MIAT: variants seen among roughly 807,000 people sequenced by gnomAD.
MIAT encodes myocardial infarction associated transcript.
At chr22:26,675,228 T>C in exon 5 of MIAT, 1 of 398,846 alleles carries the variant, frequency 2.5e-6, no homozygotes, top group Non-Finnish European at 4.4e-6. Context: ...GGGGATGAGT[T>C]CCGGGCAGCG....
intron 2 of MIAT, among the ~76,000 whole-genome samples, chr22:26,657,938 G>A (rs1304251636): frequency 6.6e-6 from 1 of 152,174 alleles, no homozygotes; most frequent in Non-Finnish European, 1.5e-5. Context: ...TTGCAATCAT[G>A]ATTATGAGGG....
At chr22:26,665,970 T>C (rs1439073240) in exon 4 of MIAT, 1 of 398,492 alleles carries the variant, frequency 2.5e-6, no homozygotes, top group Non-Finnish European at 4.4e-6. Context: ...CTCTTCTCAG[T>C]TTCAGCACTT....
intron 2 of MIAT, among the ~76,000 whole-genome samples, chr22:26,660,115 C>T (rs1477192476): frequency 1.3e-5 from 2 of 151,230 alleles, no homozygotes; most frequent in African/African-American, 2.4e-5. Context: ...GGATTACAGG[C>T]GTGAGCCCCC....
chr22:26,673,823 G>A (rs1418674495), downstream of MIAT: 3 of 398,534 alleles, frequency 7.5e-6, no homozygotes, highest in Non-Finnish European at 1.3e-5. Context: ...TGTGGACCAG[G>A]CCTGATGGAG....
chr22:26,672,786 G>T (rs920186229), downstream of MIAT: 3 of 398,600 alleles, frequency 7.5e-6, no homozygotes, highest in Admixed American at 8.8e-5. Context: ...TCAATGAAGC[G>T]GGTCTTTCCT....
At chr22:26,673,347 G>C (rs55901610), downstream of MIAT, 614 of 398,880 alleles carry the variant, frequency 1.5e-3, no homozygotes, top group Non-Finnish European at 2.4e-3. Flanking sequence ...GCTAATCTCT[G>C]GCTCCCTTGC....
At chr22:26,656,545 T>C (rs891577388) in intron 2 of MIAT, among the ~76,000 whole-genome samples, 1 of 152,006 alleles carries the variant, frequency 6.6e-6, no homozygotes, top group Admixed American at 6.6e-5. Flanking sequence ...CTTGAACTCT[T>C]GACCTCAGGT....
chr22:26,657,720 C>T, intron 2 of MIAT: 1 of 398,642 alleles, frequency 2.5e-6, no homozygotes. Context: ...CGGGGAACAG[C>T]CTAATTCCCC....
rs1218406252 is a variant in MIAT at position 26,676,116 on chromosome 22, T to C, written n.9784T>C. 7.5e-6 allele frequency: 3 copies of C among 398,374 alleles called. No homozygotes were observed. The East Asian group carries it at 1.1e-4, about 14-fold the overall frequency. The allele number at this position is 398,374 out of a possible 1,614,324, so 24.7% of individuals were successfully genotyped here. A position where few individuals can be genotyped will look rare whatever the true frequency, so the allele number is the denominator to read the frequency against. Reference sequence around the variant, plus strand: ...CCAATCCGAACAGGTGTTATAATCCTTTCTTAATAGGTTGTGCTGTGGACC... The same window carrying C: ...CCAATCCGAACAGGTGTTATAATCCCTTCTTAATAGGTTGTGCTGTGGACC... On this transcript the variant is annotated non_coding_transcript_exon_variant, in exon 5 of 5. Transcript: ENST00000613780.
chr22:26,652,143 A>G (rs1480832855), intron 2 of MIAT, among the ~76,000 whole-genome samples: 2 of 152,082 alleles, frequency 1.3e-5, no homozygotes, highest in African/African-American at 4.8e-5. Flanking sequence ...ACAGGCACAC[A>G]CTACCATGCC....
chr22:26,654,920 G>T (rs1930397617), intron 2 of MIAT, among the ~76,000 whole-genome samples: 1 of 152,114 alleles, frequency 6.6e-6, no homozygotes, highest in Non-Finnish European at 1.5e-5. Flanking sequence ...CACCGTATTA[G>T]CCAGGATGGT....
At chr22:26,665,077 TA>T (rs539316908) in intron 3 of MIAT, among the ~76,000 whole-genome samples, 17 of 147,830 alleles carry the variant, frequency 1.1e-4, no homozygotes, top group Non-Finnish European at 1.1e-4. Context: ...TCTCTACTAC[TA>T]AAAAAAAAAT....
At chr22:26,652,546 G>A (rs561080539) in intron 2 of MIAT, among the ~76,000 whole-genome samples, 2 of 152,076 alleles carry the variant, frequency 1.3e-5, no homozygotes, top group East Asian at 1.9e-4. Flanking sequence ...TAGTAGAGAC[G>A]GGGATTTCAC....
Position 26,674,903 on chromosome 22 carries a change from G to T in MIAT, n.8571G>T, listed in dbSNP as rs182406272. The T allele has an allele frequency of 7.3e-5, 29 of 398,740 alleles. No homozygotes were observed. In the Middle Eastern group the frequency reaches 1.9e-3, roughly 26 times the overall value. The allele number at this position is 398,740 out of a possible 1,614,324, so 24.7% of individuals were successfully genotyped here. On this transcript the variant is annotated non_coding_transcript_exon_variant, in exon 5 of 5. Coordinates refer to the MIAT transcript ENST00000613780. ...ACCTGCACCTGGGCTTTTTCGTCAT[G>T]GTGCTTTTATAGCCTAGTGGGAGAG...
rs1476325607 is a variant in MIAT, at chr22:26,661,939, TATATATATATATATATATATATAC to T, written n.647-1375_647-1352del. ...ATCCATATATATATATATATATATA[TATATATATATATATATATATATAC>T]ACACACACACATATACATGGATCTG... On this transcript the variant is annotated intron_variant and non_coding_transcript_variant, in intron 2 of 5. Transcript: ENST00000643270. 5.2e-3 allele frequency among the ~76,000 whole-genome samples: 188 copies of T among 36,162 alleles called. 6 individuals are homozygous for T. The highest frequency in any genetic ancestry group is 0.012 in the African/African-American group (127 of 10,390). The allele number at this position is 36,162 out of a possible 152,430, so 23.7% of individuals were successfully genotyped here.
At chr22:26,675,010 A>G (rs1931207010) in exon 5 of MIAT, 3 of 398,700 alleles carry the variant, frequency 7.5e-6, no homozygotes, top group Middle Eastern at 6.3e-4. Context: ...GACAGACAAG[A>G]TTGATGTGCA....
chr22:26,646,889 A>G (rs1930243748), exon 1 of MIAT: 1 of 398,682 alleles, frequency 2.5e-6, no homozygotes, highest in Non-Finnish European at 4.4e-6. Flanking sequence ...ACAGGTAGAT[A>G]GGATCAAGGT....
At chr22:26,664,956 G>T (rs895977087) in intron 3 of MIAT, among the ~76,000 whole-genome samples, 3 of 152,202 alleles carry the variant, frequency 2.0e-5, no homozygotes, top group African/African-American at 4.8e-5. Context: ...ATTAACTTTG[G>T]ACAGGTGTGG....
At chr22:26,651,925 C>T (rs1930343184) in intron 2 of MIAT, among the ~76,000 whole-genome samples, 1 of 152,216 alleles carries the variant, frequency 6.6e-6, no homozygotes, top group African/African-American at 2.4e-5. Flanking sequence ...CGTGAATGTA[C>T]TCAGGGCCAC....
Sources: gnomAD v4.1 joint callset for allele counts (sites outside exome capture counted in the v4.1 genomes callset) on GRCh38, gnomAD v4.1.1 for gene constraint, MANE v1.5 for transcripts, NCBI Gene and HGNC (gene_info 2026-07-23, HGNC 2026-07-21) for gene names.